Variants in DEF6 observed in about 807,000 individuals in gnomAD.
DEF6 encodes differentially expressed in FDCP 6 homolog.
Under a neutral mutation model 80.5 loss-of-function variants are expected in DEF6, and 32 were observed. The observed-to-expected ratio is 0.40, with a 90% CI of 0.30 to 0.53. The LOEUF (loss-of-function observed/expected upper bound fraction) is 0.53, where lower values mean the gene tolerates loss of function less well. DEF6 is among the 20% of genes least tolerant of loss of function. DEF6 has a pLI of 0.57. For synonymous variants in DEF6, 300 were observed against 337.9 expected (o/e 0.89, Z 1.23); for missense variants, 575 against 818.7 (o/e 0.70, Z 3.63).
chr6:35,311,714 G>C (rs1196900432), intron 3 of DEF6, among the ~76,000 whole-genome samples: 2 of 152,130 alleles, frequency 1.3e-5, no homozygotes, highest in Non-Finnish European at 2.9e-5. Context: ...CGGTTCCTCT[G>C]TAACAGGTTT....
At position 35,319,774 on chromosome 6, in the gene DEF6, G is replaced by A; in HGVS notation, c.1383-45G>A. On this transcript the variant is annotated intron_variant, in intron 8 of 10. Coordinates refer to ENST00000316637, the MANE Select transcript of DEF6 (RefSeq NM_022047.4). The surrounding 1 kb of genome is among the most constrained non-coding windows in gnomAD (Gnocchi z 4.5). ...TTTCCTGCTTGCTGTGCACCTGCAAGGTGCCTTGGCACTAGAGGCTACACA... is the reference window on the plus strand; with the variant it reads ...TTTCCTGCTTGCTGTGCACCTGCAAAGTGCCTTGGCACTAGAGGCTACACA... 1 of 1,610,174 alleles carries A rather than the reference G, an allele frequency of 6.2e-7. No individual in the cohort carries two copies. Among genetic ancestry groups the A allele is most frequent in the South Asian group, 1.1e-5 (1 of 90,694 alleles).
chr6:35,315,156 T>G (rs867506319), intron 5 of DEF6, among the ~76,000 whole-genome samples: 1 of 152,268 alleles, frequency 6.6e-6, no homozygotes, highest in African/African-American at 2.4e-5. Context: ...AGTACTATGC[T>G]GATTTGGTTA....
At chr6:35,309,917 C>T (rs1791441269) in intron 2 of DEF6, 107 bp downstream of exon 2, 6 of 1,318,524 alleles carry the variant, frequency 4.6e-6, no homozygotes, top group Non-Finnish European at 6.3e-6. Context: ...CCATAAACTC[C>T]TACTTCTGCC....
intron 3 of DEF6, among the ~76,000 whole-genome samples, chr6:35,311,449 G>T (rs1791465851): frequency 6.6e-6 from 1 of 152,162 alleles, no homozygotes; most frequent in Admixed American, 6.5e-5. Context: ...AACCACCCGA[G>T]CCCTGAACCA....
intron 1 of DEF6, among the ~76,000 whole-genome samples, chr6:35,306,276 C>T (rs1162336868): frequency 6.6e-5 from 10 of 150,588 alleles, no homozygotes; most frequent in Admixed American, 4.0e-4. Flanking sequence ...TTTGGGAGGC[C>T]GAGGCGGGCG....
At chr6:35,298,414 C>T (rs1791269837) in intron 1 of DEF6, among the ~76,000 whole-genome samples, 1 of 152,160 alleles carries the variant, frequency 6.6e-6, no homozygotes, top group Admixed American at 6.5e-5. Context: ...AAAGGGGCCG[C>T]CCCCAGTCCC....
chr6:35,304,727 C>G (rs1037255420), intron 1 of DEF6, among the ~76,000 whole-genome samples: 5 of 151,984 alleles, frequency 3.3e-5, no homozygotes, highest in African/African-American at 1.2e-4. Context: ...TCTTTGGAGT[C>G]AAGGTTGAGA....
In DEF6 at chr6:35,299,107, T is replaced by C. The variant is rs544612747; in HGVS notation, c.96+1155T>C. Among the ~76,000 whole-genome samples the C allele has an allele frequency of 2.0e-5, 3 of 152,300 alleles. No homozygotes were observed. In the East Asian group the frequency reaches 5.8e-4, roughly 29 times the overall value. ...CCAAACTGGTCCTATGTTAAATTCC[T>C]TACCTGGATTTGTGAGCATCTAATA... On this transcript the variant is annotated intron_variant, in intron 1 of 10. Coordinates refer to ENST00000316637, the MANE Select transcript of DEF6 (RefSeq NM_022047.4).
At position 35,312,721 on chromosome 6, in the gene DEF6, G is replaced by A. The variant is rs1791483983; in HGVS notation, c.756G>A (p.Glu252=). The part of the protein sequence containing the change: ...PSCLCYFGSE[E]CKEKRGIIPL... The stretch of plus-strand genomic sequence containing the variant: ...GCCTCTGCTACTTTGGGAGTGAAGA[G>A]TGCAAAGAGAAAAGGGGCATTATCC... The change falls in exon 5 of 11, where the codon GAG becomes GAA. Residue 252 remains glutamate (E), a synonymous_variant. Coordinates refer to ENST00000316637, the MANE Select transcript of DEF6 (RefSeq NM_022047.4). The surrounding 1 kb of genome is among the most constrained non-coding windows in gnomAD (Gnocchi z 6.6). The A allele has an allele frequency of 6.2e-7, 1 of 1,613,272 alleles. No individual in the cohort carries two copies. The highest frequency in any genetic ancestry group is 8.5e-7 in the Non-Finnish European group (1 of 1,179,648).
chr6:35,311,496 C>T (rs1032074923), intron 3 of DEF6, among the ~76,000 whole-genome samples: 2 of 152,176 alleles, frequency 1.3e-5, no homozygotes, highest in Non-Finnish European at 2.9e-5. Flanking sequence ...GACCCAGGAT[C>T]CCCCAGAAAG....
chr6:35,305,574 GTGTA>G (rs1024118996), intron 1 of DEF6, among the ~76,000 whole-genome samples: 1 of 151,716 alleles, frequency 6.6e-6, no homozygotes, highest in African/African-American at 2.4e-5. Flanking sequence ...GGGTGTGTGT[GTGTA>G]TGTGTGTGTG....
intron 1 of DEF6, among the ~76,000 whole-genome samples, chr6:35,301,915 C>T (rs942261956): frequency 1.8e-4 from 28 of 152,066 alleles, no homozygotes; most frequent in Non-Finnish European, 3.5e-4. Flanking sequence ...TTAGTAGAGC[C>T]GGGGTTTTGC....
At chr6:35,302,971 T>A (rs1182088548) in intron 1 of DEF6, among the ~76,000 whole-genome samples, 1 of 152,058 alleles carries the variant, frequency 6.6e-6, no homozygotes, top group Non-Finnish European at 1.5e-5. Flanking sequence ...CTGATGGAGA[T>A]CTGCAAGTGA....
Position 35,321,304 on chromosome 6 carries a change from C to T in DEF6, c.1790C>T (p.Ser597Leu), listed in dbSNP as rs141402240. The change falls in exon 11 of 11, where the codon TCG becomes TTG. Residue 597 changes from serine to leucine, a missense_variant. Ser to Leu is a moderately radical substitution (Grantham distance 145). Transcript: ENST00000316637. ...RWGSQGNRTPSPNSNEQQKSL... is the reference protein window; with the variant it reads ...RWGSQGNRTPLPNSNEQQKSL... ...GGATCCCAGGGCAACAGGACCCCCT[C>T]GCCCAACAGCAATGAGCAGCAGAAG... 3.1e-5 allele frequency: 50 copies of T among 1,614,138 alleles called. No homozygotes were observed. The highest frequency in any genetic ancestry group is 4.0e-5 in the Non-Finnish European group (47 of 1,180,020).
rs891002609 is a variant in DEF6, at chr6:35,318,508, G to A, written c.1215+37G>A. 1.0e-5 allele frequency: 14 copies of A among 1,362,958 alleles called. No homozygotes were observed. In the East Asian group the frequency reaches 3.1e-4, roughly 30 times the overall value. 84.4% of individuals were successfully genotyped at this position (1,362,958 alleles called of 1,614,324 possible). On this transcript the variant is annotated intron_variant, in intron 7 of 10. Coordinates refer to ENST00000316637, the MANE Select transcript of DEF6 (RefSeq NM_022047.4). This position sits in a 1 kb window ranked among gnomAD's most constrained non-coding sequence, Gnocchi z 5.1. ...TCCCGGCGCCGGGGACGGGACCGGT[G>A]GGCTGGGAGGCTGGCCAGGGGCGGA...
intron 3 of DEF6, among the ~76,000 whole-genome samples, chr6:35,311,709 C>T (rs1329080125): frequency 6.6e-6 from 1 of 152,186 alleles, no homozygotes; most frequent in Non-Finnish European, 1.5e-5. Context: ...ACTTCCGGTT[C>T]CTCTGTAACA....
At chr6:35,314,903 G>T (rs1482537876) in intron 5 of DEF6, among the ~76,000 whole-genome samples, 1 of 152,262 alleles carries the variant, frequency 6.6e-6, no homozygotes, top group East Asian at 1.9e-4. Context: ...ATAGTTTCAG[G>T]TCTTACATTT....
At chr6:35,303,996 G>C (rs1791358880) in intron 1 of DEF6, among the ~76,000 whole-genome samples, 1 of 152,162 alleles carries the variant, frequency 6.6e-6, no homozygotes, top group East Asian at 1.9e-4. Context: ...GCTGGATGTT[G>C]GTGGCAGGCA....
Position 35,319,423 on chromosome 6 carries a change from C to G in DEF6, c.1216-101C>G, listed in dbSNP as rs1791561116. On this transcript the variant is annotated intron_variant, in intron 7 of 10. Coordinates refer to ENST00000316637, the MANE Select transcript of DEF6 (RefSeq NM_022047.4). This position sits in a 1 kb window ranked among gnomAD's most constrained non-coding sequence, Gnocchi z 4.5. ...CCAACATGAAGGAGTTCCCCAGACC[C>G]TCACCCCTAGGCAGCTTAGCAACAT... 1 of 853,008 alleles carries G rather than the reference C, an allele frequency of 1.2e-6. No homozygotes were observed. Among genetic ancestry groups the G allele is most frequent in the Admixed American group, 2.8e-5 (1 of 35,822 alleles). The allele number at this position is 853,008 out of a possible 1,614,324, so 52.8% of individuals were successfully genotyped here. A position where few individuals can be genotyped will look rare whatever the true frequency, so the allele number is the denominator to read the frequency against.
Sources: allele counts gnomAD v4.1 joint callset (sites outside exome capture counted in the v4.1 genomes callset), GRCh38; gene constraint gnomAD v4.1.1; non-coding constraint Gnocchi (gnomAD v3.1); transcripts MANE v1.5; gene names NCBI Gene and HGNC (gene_info 2026-07-23, HGNC 2026-07-21).